SLC16A9: variants seen among roughly 807,000 people sequenced by gnomAD.
The protein encoded by SLC16A9 is monocarboxylate transporter 9.
Under a neutral mutation model 44.3 loss-of-function variants are expected in SLC16A9, and 26 were observed. The observed-to-expected ratio is 0.59, with a 90% CI of 0.43 to 0.81. The LOEUF is 0.81. Among genes scored for constraint, SLC16A9 ranks in the 40% least tolerant of loss-of-function variants. The pLI is 0.00. For missense variants in SLC16A9, 559 were observed against 595.8 expected (o/e 0.94, Z 0.64); for synonymous variants, 230 against 225.1 (o/e 1.02, Z -0.19).
chr10:59,667,230 C>T (rs1377359435), intron 3 of SLC16A9, among the ~76,000 whole-genome samples: 2 of 152,124 alleles, frequency 1.3e-5, no homozygotes, highest in East Asian at 1.9e-4. Context: ...TAACAAATTT[C>T]GGTAGAGGAA....
At chr10:59,683,224 A>G (rs1321178214) in intron 2 of SLC16A9, among the ~76,000 whole-genome samples, 3 of 152,246 alleles carry the variant, frequency 2.0e-5, no homozygotes, top group Non-Finnish European at 4.4e-5. Context: ...TACTGACCCT[A>G]TCTAGATCAC....
intron 1 of SLC16A9, 86 bp from the exon 2 acceptor site, chr10:59,684,413 G>T (rs1455105557): frequency 8.1e-5 from 33 of 405,186 alleles, no homozygotes; most frequent in East Asian, 1.3e-4. Context: ...CTCCTAAAGT[G>T]AAAAAAAAAA....
chr10:59,664,195 G>T, intron 4 of SLC16A9, 32 bp downstream of exon 4: 1 of 1,480,308 alleles, frequency 6.8e-7, no homozygotes, highest in Non-Finnish European at 9.4e-7. Context: ...AGACTGAATG[G>T]TGACAATACT....
chr10:59,657,591 A>G (rs1354404827), intron 4 of SLC16A9, among the ~76,000 whole-genome samples: 1 of 152,130 alleles, frequency 6.6e-6, no homozygotes, highest in Non-Finnish European at 1.5e-5. Flanking sequence ...TTAGTGTGCT[A>G]TGGACCAGGC....
chr10:59,665,868 C>T (rs1839603454), intron 3 of SLC16A9, among the ~76,000 whole-genome samples: 1 of 152,014 alleles, frequency 6.6e-6, no homozygotes, highest in African/African-American at 2.4e-5. Flanking sequence ...GAAACAGCAA[C>T]TTTTAAACTT....
chr10:59,666,749 T>C (rs914616304), intron 3 of SLC16A9, among the ~76,000 whole-genome samples: 1 of 152,128 alleles, frequency 6.6e-6, no homozygotes, highest in South Asian at 2.1e-4. Flanking sequence ...TGAAACAGTG[T>C]CTGACAGACA....
chr10:59,701,616 G>T (rs1367893586), intron 1 of SLC16A9, among the ~76,000 whole-genome samples: 3 of 140,558 alleles, frequency 2.1e-5, no homozygotes, highest in Non-Finnish European at 4.9e-5. Context: ...ATAAAACCAT[G>T]TTGTGTTCAT....
chr10:59,706,630 T>TAAACACACACACAC (rs71467075), intron 1 of SLC16A9, among the ~76,000 whole-genome samples: 1 of 145,928 alleles, frequency 6.9e-6, no homozygotes, highest in Non-Finnish European at 1.5e-5. Flanking sequence ...AGAAATGTGA[T>TAAACACACACACAC]ACACACACAC....
chr10:59,687,968 C>CAA (rs3043427), intron 1 of SLC16A9, among the ~76,000 whole-genome samples: 59,539 of 140,530 alleles, frequency 0.42, 14,675 homozygotes, highest in East Asian at 0.73. Flanking sequence ...TCAACAACAA[C>CAA]AAAAAAAAAA....
intron 1 of SLC16A9, among the ~76,000 whole-genome samples, chr10:59,696,407 T>A (rs1840376020): frequency 6.6e-6 from 1 of 152,186 alleles, no homozygotes; most frequent in Admixed American, 6.5e-5. Context: ...CACTCAGTGC[T>A]CAATGGTGCC....
chr10:59,666,871 CA>C (rs34639816), intron 3 of SLC16A9, among the ~76,000 whole-genome samples: 44,192 of 114,796 alleles, frequency 0.38, 6,740 homozygotes, highest in Middle Eastern at 0.48. Flanking sequence ...TATTTTCCAG[CA>C]AAAAAAAAAA....
At position 59,653,741 on chromosome 10, in the gene SLC16A9, C is replaced by T. The variant is rs746658659; in HGVS notation, c.1285G>A (p.Ala429Thr). The change falls in exon 5 of 6, where the codon GCC becomes ACC. Residue 429 changes from alanine (A) to threonine (T), a missense_variant. Physicochemically the swap from Ala to Thr is moderately conservative, Grantham distance 58 (BLOSUM62 0). Transcript: ENST00000395348. Reference sequence around the variant, plus strand: ...AACATTAATATCCCATAGGCATGGGCTAATTTTTCAATTCCCACAGTCTTC... The same window carrying T: ...AACATTAATATCCCATAGGCATGGGTTAATTTTTCAATTCCCACAGTCTTC... The part of the protein sequence containing the change: ...TTKTVGIEKL[A>T]HAYGILMFFA... 7 of 1,614,074 alleles carry T rather than the reference C, an allele frequency of 4.3e-6. No homozygotes were observed. Among genetic ancestry groups the T allele is most frequent in the Non-Finnish European group, 5.9e-6 (7 of 1,179,988 alleles).
At chr10:59,680,277 TA>T (rs1449510346) in intron 2 of SLC16A9, among the ~76,000 whole-genome samples, 1 of 152,196 alleles carries the variant, frequency 6.6e-6, no homozygotes, top group African/African-American at 2.4e-5. Flanking sequence ...ATAAAGAGTA[TA>T]AAGTCCAGAA....
intron 1 of SLC16A9, among the ~76,000 whole-genome samples, chr10:59,685,764 A>G (rs754303486): frequency 7.2e-5 from 11 of 152,216 alleles, no homozygotes; most frequent in Non-Finnish European, 1.5e-4. Flanking sequence ...CTGAGTCAAA[A>G]GGAATATACA....
rs149068248 is a variant in SLC16A9, at chr10:59,668,596, T to C, written c.340+4174A>G. ...GGTTGTGCGACTTTGGCAAAGTCAT[T>C]TAAACTCTCTAATTCCTAGTTTATT... On this transcript the variant is annotated intron_variant, in intron 3 of 5. Coordinates refer to ENST00000395348, the MANE Select transcript of SLC16A9 (RefSeq NM_194298.3). Among the ~76,000 whole-genome samples the C allele has an allele frequency of 6.8e-4, 103 of 152,362 alleles. No individual in the cohort carries two copies. The Middle Eastern group carries it at 0.01, about 15-fold the overall frequency.
At chr10:59,695,999 G>A (rs1283652383) in intron 1 of SLC16A9, among the ~76,000 whole-genome samples, 1 of 152,164 alleles carries the variant, frequency 6.6e-6, no homozygotes, top group African/African-American at 2.4e-5. Context: ...GTTCCAGAAC[G>A]ATAGGAACTG....
In SLC16A9 at chr10:59,672,772, A is replaced by G; in HGVS notation, c.338T>C (p.Val113Ala). 1 of 1,612,476 alleles carries G rather than the reference A, an allele frequency of 6.2e-7. No homozygotes were observed. Among genetic ancestry groups the G allele is most frequent in the Non-Finnish European group, 8.5e-7 (1 of 1,179,410 alleles). The change falls in exon 3 of 6, where the codon GTA becomes GCA. Residue 113 changes from valine to alanine, a missense_variant and splice_region_variant. Transcript: ENST00000395348. Reference protein sequence around the residue: ...YFLFFSYGIVVGLGCGLLYTA... With the variant: ...YFLFFSYGIVAGLGCGLLYTA... ...GTCATAGTGACGAGGTTCCTTACCT[A>G]CAACAATGCCATAGGAAAAAAACAG...
intron 5 of SLC16A9, among the ~76,000 whole-genome samples, chr10:59,653,317 T>C (rs1294576880): frequency 2.7e-5 from 4 of 147,968 alleles, no homozygotes; most frequent in African/African-American, 9.9e-5. Flanking sequence ...TCCCAGCTAC[T>C]CAGGAGGCTG....
Position 59,651,960 on chromosome 10 carries a change from A to G in SLC16A9, c.*812T>C, listed in dbSNP as rs1304818982. 2.0e-5 allele frequency: 3 copies of G among 152,200 alleles called. No individual in the cohort carries two copies. Among genetic ancestry groups the G allele is most frequent in the Admixed American group, 1.3e-4 (2 of 15,280 alleles). The allele number at this position is 152,200 out of a possible 1,614,324, so 9.4% of individuals were successfully genotyped here. A position where few individuals can be genotyped will look rare whatever the true frequency, so the allele number is the denominator to read the frequency against. ...GGAATGATTGAGAAATGTGTTTCCA[A>G]TTTGGAAACAGGTAAAATTAGCACT... is the stretch of plus-strand genomic sequence containing the variant. On this transcript the variant is annotated 3_prime_UTR_variant, in exon 6 of 6. Transcript: ENST00000395348.
Sources: allele counts gnomAD v4.1 joint callset (sites outside exome capture counted in the v4.1 genomes callset), GRCh38; gene constraint gnomAD v4.1.1; transcripts MANE v1.5; gene names NCBI Gene and HGNC (gene_info 2026-07-23, HGNC 2026-07-21).